Variants in ASCC3 observed in about 807,000 individuals in gnomAD.
ASCC3 encodes the protein activating signal cointegrator 1 complex subunit 3, also known as ASC-1 complex subunit P200.
ASCC3 carries 158 observed loss-of-function variants against 256.3 expected under a neutral mutation model. The ratio of observed to expected loss-of-function variants is 0.62; its 90% CI spans 0.54 to 0.70. ASCC3 has a LOEUF of 0.70. ASCC3 is among the 30% of genes least tolerant of loss of function. The pLI, the probability that ASCC3 is intolerant of heterozygous loss-of-function variation, is 0.00. For missense variants in ASCC3, 2,259 were observed against 2,626.0 expected, an observed-to-expected ratio of 0.86 and a Z score of 3.05; for synonymous variants, 948 against 883.4, an observed-to-expected ratio of 1.07 and a Z score of -1.30.
intron 36 of ASCC3, among the ~76,000 whole-genome samples, chr6:100,559,678 C>T (rs1769820131): frequency 1.3e-5 from 2 of 151,854 alleles, no homozygotes; most frequent in African/African-American, 4.8e-5. Context: ...GGTGAAACCC[C>T]ATCTCTACTA....
At chr6:100,845,794 A>G (rs1018922990) in intron 4 of ASCC3, among the ~76,000 whole-genome samples, 1 of 152,178 alleles carries the variant, frequency 6.6e-6, no homozygotes, top group African/African-American at 2.4e-5. Flanking sequence ...GTCTTTTTAA[A>G]AAAGACTTTA....
intron 3 of ASCC3, 149 bp downstream of exon 3, chr6:100,863,915 G>C (rs188378464): frequency 4.1e-6 from 3 of 732,808 alleles, no homozygotes; most frequent in Non-Finnish European, 4.2e-6. Flanking sequence ...GAGCCACCGC[G>C]CCTGGCCAGG....
rs1771357520 is a variant in ASCC3 at position 100,582,610 on chromosome 6, C to A, written c.5550+7024G>T. The stretch of plus-strand genomic sequence containing the variant: ...TCCTGCCTAAATGCCCTGGCCAGAA[C>A]TTCCAACACTATGTTGAATAGGAGT... On this transcript the variant is annotated intron_variant, in intron 36 of 41. Coordinates refer to ENST00000369162, the MANE Select transcript of ASCC3 (RefSeq NM_006828.4). Among the ~76,000 whole-genome samples, 2 of 152,018 alleles carry A rather than the reference C, an allele frequency of 1.3e-5. 1 individual carries two copies. Among genetic ancestry groups the A allele is most frequent in the Non-Finnish European group, 2.9e-5 (2 of 68,006 alleles).
Position 100,647,335 on chromosome 6 carries a change from C to T in ASCC3, c.3369G>A (p.Trp1123Ter). 6.2e-7 allele frequency: 1 copy of T among 1,613,858 alleles called. No individual in the cohort carries two copies. Among genetic ancestry groups the T allele is most frequent in the Non-Finnish European group, 8.5e-7 (1 of 1,179,926 alleles). The part of the protein sequence containing the change: ...SKVIDKRLWG[W>*]ASPLRQFSIL... ...TTGAAAATTGTCTCAAAGGGCTAGC[C>T]CAACCCCAAAGCCTCTTGTCAATGA... Residue 1123 changes from tryptophan (W) to a stop codon, truncating the protein, a stop_gained, in exon 21 of 42, where the codon TGG becomes TGA. Coordinates refer to ENST00000369162, the MANE Select transcript of ASCC3 (RefSeq NM_006828.4). LOFTEE classifies it high-confidence loss of function.
At chr6:100,669,657 T>G (rs1015318121) in intron 14 of ASCC3, among the ~76,000 whole-genome samples, 2 of 151,862 alleles carry the variant, frequency 1.3e-5, no homozygotes, top group Non-Finnish European at 2.9e-5. Context: ...ATAATCAGGA[T>G]GTTTAATCCA....
chr6:100,657,536 C>T (rs1264340902), intron 16 of ASCC3, among the ~76,000 whole-genome samples: 2 of 151,394 alleles, frequency 1.3e-5, no homozygotes, highest in African/African-American at 2.4e-5. Flanking sequence ...CCCATCATGA[C>T]TTTATGATGT....
chr6:100,641,407 G>A (rs1582617907), intron 24 of ASCC3, among the ~76,000 whole-genome samples: 1 of 152,294 alleles, frequency 6.6e-6, no homozygotes, highest in Non-Finnish European at 1.5e-5. Flanking sequence ...GTGTGAGATG[G>A]TATCTCACTG....
rs570832564 is a variant in ASCC3, at chr6:100,818,696, C to A, written c.802-12816G>T. On this transcript the variant is annotated intron_variant, in intron 4 of 41. Coordinates refer to ENST00000369162, the MANE Select transcript of ASCC3 (RefSeq NM_006828.4). ...AGAAAAAATAAGTCTGCGCTCACCA[C>A]TTCTATTCAACACTGTACTGTAGGT... Among the ~76,000 whole-genome samples the A allele has an allele frequency of 2.8e-5, 4 of 142,430 alleles. No homozygotes were observed. The South Asian group carries it at 9.3e-4, about 33-fold the overall frequency. 93.4% of individuals were successfully genotyped at this position (142,430 alleles called of 152,430 possible).
At chr6:100,713,086 C>G (rs543288246) in intron 13 of ASCC3, among the ~76,000 whole-genome samples, 2 of 152,098 alleles carry the variant, frequency 1.3e-5, no homozygotes, top group East Asian at 3.9e-4. Flanking sequence ...TTTACTCAAA[C>G]GAGTTGATAA....
chr6:100,781,125 A>G (rs1263927176), intron 8 of ASCC3, among the ~76,000 whole-genome samples: 1 of 152,166 alleles, frequency 6.6e-6, no homozygotes, highest in Non-Finnish European at 1.5e-5. Context: ...CAGCTGAGTC[A>G]TTTTGATTAA....
At chr6:100,596,210 T>C (rs933593848) in intron 34 of ASCC3, among the ~76,000 whole-genome samples, 9 of 152,168 alleles carry the variant, frequency 5.9e-5, no homozygotes, top group African/African-American at 1.4e-4. Flanking sequence ...TGTAGCCTTA[T>C]GATCTCTATG....
intron 11 of ASCC3, among the ~76,000 whole-genome samples, chr6:100,723,860 T>TCA (rs1554220084): frequency 4.5e-5 from 5 of 110,246 alleles, no homozygotes; most frequent in African/African-American, 1.6e-4. Flanking sequence ...TATTAGGGAA[T>TCA]TATATATATA....
intron 21 of ASCC3, 135 bp downstream of exon 21, chr6:100,647,091 A>G (rs1775417768): frequency 1.1e-6 from 1 of 919,340 alleles, no homozygotes; most frequent in East Asian, 2.6e-5. Flanking sequence ...ATTTTAGATA[A>G]ATGAAAAAGA....
intron 30 of ASCC3, among the ~76,000 whole-genome samples, chr6:100,617,541 T>C (rs1398465786): frequency 6.6e-6 from 1 of 152,164 alleles, no homozygotes; most frequent in Non-Finnish European, 1.5e-5. Context: ...ATATGCTATT[T>C]GCTTCTATTT....
chr6:100,607,047 C>T lies in ASCC3; in HGVS notation c.4827G>A (p.Lys1609=). The T allele has an allele frequency of 8.1e-6, 13 of 1,613,668 alleles. No individual in the cohort carries two copies. Among genetic ancestry groups the T allele is most frequent in the Non-Finnish European group, 1.0e-5 (12 of 1,179,798 alleles). The stretch of plus-strand genomic sequence containing the variant: ...TTCCTATCCCGAAAGCAAGGGTCAG[C>T]TTGAGGTTGGAATCTCTTACTGTTG... ...IIATVRDSNL[K]LTLAFGIGMH... is the part of the protein sequence containing the mutation. Residue 1609 remains lysine (K), a synonymous_variant, in exon 31 of 42, where the codon AAG becomes AAA. Coordinates refer to ENST00000369162, the MANE Select transcript of ASCC3 (RefSeq NM_006828.4).
intron 4 of ASCC3, among the ~76,000 whole-genome samples, chr6:100,808,286 T>TA (rs35050146): frequency 0.55 from 83,240 of 151,432 alleles, 23,258 homozygotes; most frequent in South Asian, 0.75. Flanking sequence ...TATACATGGG[T>TA]AAAAAAATCC....
intron 3 of ASCC3, among the ~76,000 whole-genome samples, chr6:100,851,300 G>T (rs1332496968): frequency 6.6e-6 from 1 of 151,980 alleles, no homozygotes; most frequent in African/African-American, 2.4e-5. Context: ...AAATAAATAG[G>T]TCACCTTAAG....
chr6:100,790,217 A>T (rs1427127985), intron 8 of ASCC3, among the ~76,000 whole-genome samples: 1 of 152,012 alleles, frequency 6.6e-6, no homozygotes, highest in Non-Finnish European at 1.5e-5. Flanking sequence ...TCATGTAATC[A>T]TCAAAATAAA....
intron 17 of ASCC3, 90 bp from the exon 18 acceptor site, chr6:100,652,979 C>T: frequency 7.8e-7 from 1 of 1,288,878 alleles, no homozygotes; most frequent in Non-Finnish European, 1.1e-6. Flanking sequence ...TAAAACTTTT[C>T]TTAATGTTTT....
Sources: gnomAD v4.1 joint callset for allele counts (sites outside exome capture counted in the v4.1 genomes callset) on GRCh38, gnomAD v4.1.1 for gene constraint, MANE v1.5 for transcripts, NCBI Gene and HGNC (gene_info 2026-07-23, HGNC 2026-07-21) for gene names.